The following CLHC1 variants were observed in gnomAD, a reference collection of about 807,000 sequenced individuals.
CLHC1 encodes clathrin heavy chain linker domain-containing protein 1.
CLHC1 carries 72 observed loss-of-function variants against 69.5 expected under a neutral mutation model. That is an observed-to-expected ratio of 1.04 (90% confidence interval 0.86 to 1.26). CLHC1 has a LOEUF of 1.26. Among genes scored for constraint, CLHC1 ranks in the 50% most tolerant of loss-of-function variants. The pLI is 0.00. For missense variants in CLHC1, 790 were observed against 679.3 expected, an observed-to-expected ratio of 1.16 and a Z score of -1.81; for synonymous variants, 223 against 224.3, an observed-to-expected ratio of 0.99 and a Z score of 0.05.
chr2:55,232,048 C>G (rs144360815), intron 1 of CLHC1, 175 bp downstream of exon 1: 2 of 152,470 alleles, frequency 1.3e-5, no homozygotes, highest in African/African-American at 4.8e-5. Flanking sequence ...ATTCCCTTCC[C>G]TTGAAGGCCC....
rs1238769889 is a variant in CLHC1, at chr2:55,172,702, A to T, written c.*3088T>A. ...AGCTTTCTATGAAATGTACAAAGTTAAAAAAAAAAAAAAAGGCCTCTGCTA... is the reference window on the plus strand; with the variant it reads ...AGCTTTCTATGAAATGTACAAAGTTTAAAAAAAAAAAAAAGGCCTCTGCTA... On this transcript the variant is annotated 3_prime_UTR_variant, in exon 13 of 13. Coordinates refer to ENST00000401408, the MANE Select transcript of CLHC1 (RefSeq NM_152385.4). Among the ~76,000 whole-genome samples, 2 of 5,184 alleles carry T rather than the reference A, an allele frequency of 3.9e-4. No individual in the cohort carries two copies. The highest frequency in any genetic ancestry group is 1.1e-3 in the African/African-American group (1 of 870). 3.4% of individuals were successfully genotyped at this position (5,184 alleles called of 152,430 possible). A position where few individuals can be genotyped will look rare whatever the true frequency, so the allele number is the denominator to read the frequency against.
At chr2:55,228,313 A>C (rs139226688) in intron 1 of CLHC1, 109 bp from the exon 2 acceptor site, 32 of 152,376 alleles carry the variant, frequency 2.1e-4, no homozygotes, top group African/African-American at 7.7e-4. Flanking sequence ...CAGTACTCAA[A>C]CATATGTTTG....
At chr2:55,222,906 G>A (rs1402853984) in intron 2 of CLHC1, among the ~76,000 whole-genome samples, 2 of 122,758 alleles carry the variant, frequency 1.6e-5, no homozygotes, top group Admixed American at 1.0e-4. Context: ...GGCAACAAGA[G>A]CGAAACTGTC....
rs370252555 is a variant in CLHC1 at position 55,212,726 on chromosome 2, G to C, written c.446C>G (p.Thr149Arg). 1 of 1,595,958 alleles carries C rather than the reference G, an allele frequency of 6.3e-7. No homozygotes were observed. The highest frequency in any genetic ancestry group is 1.7e-5 in the Admixed American group (1 of 59,970). The change falls in exon 5 of 13, where the codon ACA (threonine) becomes AGA (arginine). Residue 149 changes from threonine to arginine, a missense_variant. Coordinates refer to ENST00000401408, the MANE Select transcript of CLHC1 (RefSeq NM_152385.4). The stretch of plus-strand genomic sequence containing the variant: ...GAAAGTACAATATTTTACTTCTTTT[G>C]TGTCATACTCTGCCCTACACTGCTT... ...HIKQCRAEYD[T>R]KEVKYCTFSK...
intron 5 of CLHC1, among the ~76,000 whole-genome samples, chr2:55,210,512 A>T (rs973091238): frequency 4.6e-5 from 7 of 152,052 alleles, no homozygotes; most frequent in Non-Finnish European, 8.8e-5. Context: ...TAGCAGTTTT[A>T]AACATTATCA....
intron 9 of CLHC1, among the ~76,000 whole-genome samples, chr2:55,184,100 T>C (rs1670177562): frequency 1.1e-4 from 1 of 9,316 alleles, no homozygotes; most frequent in South Asian, 1.1e-3. Context: ...TTTTCTTTCT[T>C]TCTTTATTTT....
intron 9 of CLHC1, among the ~76,000 whole-genome samples, chr2:55,183,062 T>C (rs1670071995): frequency 6.6e-6 from 1 of 152,142 alleles, no homozygotes; most frequent in Non-Finnish European, 1.5e-5. Context: ...GAGTAAGACC[T>C]TTCCTGTCCC....
intron 9 of CLHC1, among the ~76,000 whole-genome samples, chr2:55,198,956 G>C (rs1671683311): frequency 1.3e-5 from 2 of 152,090 alleles, no homozygotes; most frequent in African/African-American, 4.8e-5. Context: ...GACTCTCCCA[G>C]ACAAACAAGC....
intron 9 of CLHC1, among the ~76,000 whole-genome samples, chr2:55,196,862 G>A (rs1671474327): frequency 6.6e-6 from 1 of 152,172 alleles, no homozygotes; most frequent in Non-Finnish European, 1.5e-5. Flanking sequence ...TACCAGCTTG[G>A]CCATAGTGAG....
chr2:55,181,319 G>C (rs1436447150), intron 10 of CLHC1, among the ~76,000 whole-genome samples: 2 of 152,060 alleles, frequency 1.3e-5, no homozygotes, highest in Non-Finnish European at 2.9e-5. Flanking sequence ...AGTAGAGACA[G>C]GGTTTCACCA....
At chr2:55,224,821 A>G in intron 2 of CLHC1, 3 of 305,256 alleles carry the variant, frequency 9.8e-6, no homozygotes, top group Non-Finnish European at 2.0e-5. Flanking sequence ...GAGGCCCCCC[A>G]GCCAGCCCGG....
At chr2:55,191,084 C>T (rs529777631) in intron 9 of CLHC1, among the ~76,000 whole-genome samples, 1 of 152,122 alleles carries the variant, frequency 6.6e-6, no homozygotes, top group Non-Finnish European at 1.5e-5. Context: ...CCTTTAACTA[C>T]AGAAAAAGTC....
At position 55,222,292 on chromosome 2, in the gene CLHC1, AC is replaced by A; in HGVS notation, c.119del (p.Cys40LeufsTer21). 1.2e-6 allele frequency: 2 copies of A among 1,613,792 alleles called. No individual in the cohort carries two copies. Among genetic ancestry groups the A allele is most frequent in the South Asian group, 1.1e-5 (1 of 91,074 alleles). On this transcript the variant is annotated frameshift_variant, in exon 3 of 13. Transcript: ENST00000401408. LOFTEE classifies it high-confidence loss of function. Reference sequence around the variant, plus strand: ...ATTCATCAGCAGGTCCTTCCTCACTACAGCCCAGTCTTTCAGTTTCTGTAAT... The same window carrying A: ...ATTCATCAGCAGGTCCTTCCTCACTAAGCCCAGTCTTTCAGTTTCTGTAAT... ...YIITETERLG[C>X]SEEGPADEYY... is the part of the protein sequence containing the mutation.
In CLHC1 at chr2:55,173,878, C is replaced by T. The variant is rs1669159666; in HGVS notation, c.*1912G>A. Among the ~76,000 whole-genome samples the T allele has an allele frequency of 6.6e-6, 1 of 152,088 alleles. No homozygotes were observed. The highest frequency in any genetic ancestry group is 6.6e-5 in the Admixed American group (1 of 15,262). On this transcript the variant is annotated 3_prime_UTR_variant, in exon 13 of 13. Coordinates refer to ENST00000401408, the MANE Select transcript of CLHC1 (RefSeq NM_152385.4). ...AAACAAGGCAAAATTAGAATAACAA[C>T]AACAACCGCTGTTTAAGCTTTCTCT... is the stretch of plus-strand genomic sequence containing the variant.
intron 4 of CLHC1, among the ~76,000 whole-genome samples, chr2:55,215,567 G>C (rs540079604): frequency 6.6e-6 from 1 of 152,242 alleles, no homozygotes; most frequent in Admixed American, 6.5e-5. Flanking sequence ...GCTGAGTAAA[G>C]GGCAATTTTC....
At chr2:55,196,626 A>G (rs1313338649) in intron 9 of CLHC1, among the ~76,000 whole-genome samples, 1 of 152,182 alleles carries the variant, frequency 6.6e-6, no homozygotes, top group African/African-American at 2.4e-5. Flanking sequence ...GGAAGGACCC[A>G]ATCCTGGCAG....
chr2:55,223,500 C>A (rs145950248), intron 2 of CLHC1, among the ~76,000 whole-genome samples: 2 of 152,116 alleles, frequency 1.3e-5, no homozygotes, highest in East Asian at 3.9e-4. Flanking sequence ...GGACTGAGTT[C>A]CGCGCCGGCG....
chr2:55,190,657 C>T (rs1670838241), intron 9 of CLHC1, among the ~76,000 whole-genome samples: 1 of 151,868 alleles, frequency 6.6e-6, no homozygotes, highest in South Asian at 2.1e-4. Flanking sequence ...GAAGATTAGT[C>T]AATTTAAAAA....
rs1198366816 is a variant in CLHC1, at chr2:55,212,706, T to G, written c.466A>C (p.Thr156Pro). The G allele has an allele frequency of 6.3e-7, 1 of 1,597,176 alleles. No homozygotes were observed. ...GGTTTTGAAGGATCTTTGGAGAAAG[T>G]ACAATATTTTACTTCTTTTGTGTCA... The part of the protein sequence containing the change: ...EYDTKEVKYC[T>P]FSKDPSKPIP... Residue 156 changes from threonine (T) to proline (P), a missense_variant, in exon 5 of 13, where the codon ACT becomes CCT. Transcript: ENST00000401408.
Sources: gnomAD v4.1 joint callset for allele counts (sites outside exome capture counted in the v4.1 genomes callset) on GRCh38, gnomAD v4.1.1 for gene constraint, MANE v1.5 for transcripts, NCBI Gene and HGNC (gene_info 2026-07-23, HGNC 2026-07-21) for gene names.